PRKCE: variants seen among roughly 807,000 people sequenced by gnomAD.
PRKCE encodes the protein protein kinase C epsilon, also known as protein kinase C epsilon type.
A neutral mutation model predicts 85.4 loss-of-function variants in PRKCE; 16 were observed. The ratio of observed to expected loss-of-function variants is 0.19; its 90% CI spans 0.13 to 0.28. PRKCE has a LOEUF of 0.28. Ranked by LOEUF, PRKCE falls within the 10% of genes least tolerant of loss-of-function variation. The probability of loss-of-function intolerance (pLI) is 1.00; values close to 1 mark genes in which losing one functional copy is unlikely to be tolerated. For synonymous variants in PRKCE, 388 were observed against 371.5 expected (o/e 1.04, Z -0.51); for missense variants, 573 against 975.2 (o/e 0.59, Z 5.49).
At chr2:46,061,859 C>CTTTTCTTTTTCTTTT (rs869162406) in intron 10 of PRKCE, among the ~76,000 whole-genome samples, 13 of 107,746 alleles carry the variant, frequency 1.2e-4, no homozygotes, top group African/African-American at 2.0e-4. Context: ...TTTTCTTTTT[C>CTTTTCTTTTTCTTTT]TTTTTTTTTT....
intron 1 of PRKCE, among the ~76,000 whole-genome samples, chr2:45,708,212 A>G (rs11677079): frequency 0.86 from 130,514 of 152,208 alleles, 56,287 homozygotes; most frequent in East Asian, 0.94. Context: ...TCCAGTCCAC[A>G]ATCATCAAGT....
chr2:46,173,258 G>A (rs1243386868), intron 14 of PRKCE, among the ~76,000 whole-genome samples: 2 of 152,202 alleles, frequency 1.3e-5, no homozygotes, highest in Non-Finnish European at 2.9e-5. Context: ...CACAGCCACC[G>A]TCATTCATTT....
At chr2:46,067,771 A>G (rs1485625193) in intron 10 of PRKCE, among the ~76,000 whole-genome samples, 5 of 152,230 alleles carry the variant, frequency 3.3e-5, no homozygotes, top group Admixed American at 6.5e-5. Flanking sequence ...GGGCTTGCCC[A>G]TCCTTATCAA....
Position 46,004,460 on chromosome 2 carries a change from A to T in PRKCE, c.967-82A>T. The stretch of plus-strand genomic sequence containing the variant: ...CTCTGGGAACTCTCATGGCTCTTAT[A>T]CGGCATCTTGATGCTTTTGACATCA... On this transcript the variant is annotated intron_variant, in intron 7 of 14. Coordinates refer to ENST00000306156, the MANE Select transcript of PRKCE (RefSeq NM_005400.3). This position sits in a 1 kb window ranked among gnomAD's most constrained non-coding sequence, Gnocchi z 4.1. The T allele has an allele frequency of 8.8e-7, 1 of 1,136,030 alleles. No individual in the cohort carries two copies. Among genetic ancestry groups the T allele is most frequent in the Non-Finnish European group, 1.3e-6 (1 of 783,866 alleles). The allele number at this position is 1,136,030 out of a possible 1,614,324, so 70.4% of individuals were successfully genotyped here.
intron 2 of PRKCE, among the ~76,000 whole-genome samples, chr2:45,906,197 G>C (rs1446460005): frequency 1.3e-5 from 2 of 152,218 alleles, no homozygotes; most frequent in Non-Finnish European, 2.9e-5. Flanking sequence ...CAACCACCTG[G>C]CCTACTGGGC....
At chr2:45,779,536 A>G (rs1175337897) in intron 1 of PRKCE, among the ~76,000 whole-genome samples, 1 of 151,848 alleles carries the variant, frequency 6.6e-6, no homozygotes, top group African/African-American at 2.4e-5. Flanking sequence ...TCCTTGCTCC[A>G]TTTGTGAACT....
At chr2:46,072,701 A>G (rs1668182271) in intron 10 of PRKCE, among the ~76,000 whole-genome samples, 2 of 152,210 alleles carry the variant, frequency 1.3e-5, no homozygotes, top group South Asian at 2.1e-4. Context: ...GGTGTTAGGC[A>G]TTGTAGAGAC....
At chr2:46,147,145 T>A (rs1051603037) in intron 12 of PRKCE, among the ~76,000 whole-genome samples, 1 of 152,142 alleles carries the variant, frequency 6.6e-6, no homozygotes, top group African/African-American at 2.4e-5. Context: ...TTCTAAGAGA[T>A]CTAAAGAGTA....
chr2:46,032,296 T>C (rs1707578732), intron 10 of PRKCE, among the ~76,000 whole-genome samples: 1 of 152,052 alleles, frequency 6.6e-6, no homozygotes, highest in Admixed American at 6.6e-5. Context: ...ACTGAGATCT[T>C]TCCAGAACCA....
intron 1 of PRKCE, among the ~76,000 whole-genome samples, chr2:45,687,761 T>C (rs1677411918): frequency 6.6e-6 from 1 of 152,232 alleles, no homozygotes; most frequent in South Asian, 2.1e-4. Context: ...AAGAAAGGTA[T>C]TCTCTAAATT....
At chr2:45,824,970 G>C (rs2105355590) in intron 1 of PRKCE, among the ~76,000 whole-genome samples, 1 of 152,322 alleles carries the variant, frequency 6.6e-6, no homozygotes, top group South Asian at 2.1e-4. Flanking sequence ...AGGTTGGGTG[G>C]TGGGAACCGG....
At chr2:46,147,269 T>G (rs989075079) in intron 12 of PRKCE, among the ~76,000 whole-genome samples, 1 of 152,252 alleles carries the variant, frequency 6.6e-6, no homozygotes, top group Non-Finnish European at 1.5e-5. Context: ...TTTTCTCGTG[T>G]TCTTCGTTCA....
At chr2:46,091,195 A>C (rs927071470) in intron 11 of PRKCE, among the ~76,000 whole-genome samples, 36 of 152,118 alleles carry the variant, frequency 2.4e-4, no homozygotes, top group African/African-American at 8.2e-4. Context: ...TAGTAGAAGA[A>C]TGCATTAGAT....
At chr2:45,663,829 G>A (rs1675791349) in intron 1 of PRKCE, among the ~76,000 whole-genome samples, 1 of 151,900 alleles carries the variant, frequency 6.6e-6, no homozygotes, top group Non-Finnish European at 1.5e-5. Context: ...AGCATTTTGT[G>A]TTATGAGGGC....
At chr2:46,099,163 A>C (rs1056231253) in intron 11 of PRKCE, among the ~76,000 whole-genome samples, 2 of 152,040 alleles carry the variant, frequency 1.3e-5, no homozygotes, top group African/African-American at 4.8e-5. Context: ...CCATGACTCC[A>C]TTATCCCAAG....
At chr2:46,111,574 A>G (rs563565491) in intron 11 of PRKCE, among the ~76,000 whole-genome samples, 1 of 152,304 alleles carries the variant, frequency 6.6e-6, no homozygotes, top group African/African-American at 2.4e-5. Flanking sequence ...GACATTTTGC[A>G]CAAATGGGAT....
At chr2:45,842,619 G>A (rs1247151701) in intron 1 of PRKCE, among the ~76,000 whole-genome samples, 2 of 152,154 alleles carry the variant, frequency 1.3e-5, no homozygotes, top group Non-Finnish European at 2.9e-5. Flanking sequence ...ATGACATTTG[G>A]GGCTGAATGA....
intron 10 of PRKCE, among the ~76,000 whole-genome samples, chr2:46,045,193 T>C (rs752994947): frequency 3.3e-5 from 5 of 152,176 alleles, no homozygotes; most frequent in Non-Finnish European, 5.9e-5. Context: ...TTGGGGAACA[T>C]TTAATTTGAG....
chr2:45,808,806 G>T (rs1029586499), intron 1 of PRKCE, among the ~76,000 whole-genome samples: 3 of 152,206 alleles, frequency 2.0e-5, no homozygotes, highest in African/African-American at 7.2e-5. Context: ...GCCTTGCTCA[G>T]TGAGACTACC....
Sources: gnomAD v4.1 joint callset for allele counts (sites outside exome capture counted in the v4.1 genomes callset) on GRCh38, gnomAD v4.1.1 for gene constraint, Gnocchi (gnomAD v3.1) non-coding constraint, MANE v1.5 for transcripts, NCBI Gene and HGNC (gene_info 2026-07-23, HGNC 2026-07-21) for gene names.